Variants in ATP8B1 observed in about 807,000 individuals in gnomAD.
ATP8B1 encodes phospholipid-transporting ATPase IC.
Under a neutral mutation model 149.9 loss-of-function variants are expected in ATP8B1, and 80 were observed. The ratio of observed to expected loss-of-function variants is 0.53; its 90% CI spans 0.45 to 0.64. The LOEUF is 0.64. ATP8B1 is among the 30% of genes least tolerant of loss of function. ATP8B1 has a pLI of 0.00. For missense variants in ATP8B1, 1,247 were observed against 1,552.6 expected (o/e 0.80, Z 3.31); for synonymous variants, 536 against 562.8 (o/e 0.95, Z 0.67).
At position 57,674,823 on chromosome 18, in the gene ATP8B1, G is replaced by A; in HGVS notation, c.1819+11C>T. 5 of 1,613,542 alleles carry A rather than the reference G, an allele frequency of 3.1e-6. No individual in the cohort carries two copies. The highest frequency in any genetic ancestry group is 4.2e-6 in the Non-Finnish European group (5 of 1,179,622). ...TGAGCGATTCATAGACAGACTCTGAGGGGGACTTACCAATGATAGACATTC... is the reference window on the plus strand; with the variant it reads ...TGAGCGATTCATAGACAGACTCTGAAGGGGACTTACCAATGATAGACATTC... On this transcript the variant is annotated intron_variant, in intron 16 of 27. Transcript: ENST00000648908.
chr18:57,652,584 G>A lies in ATP8B1; in HGVS notation c.3161C>T (p.Ala1054Val), dbSNP rs146782236. The A allele has an allele frequency of 6.2e-7, 1 of 1,614,068 alleles. No homozygotes were observed. Among genetic ancestry groups the A allele is most frequent in the Non-Finnish European group, 8.5e-7 (1 of 1,180,030 alleles). ...ATCCTGCCCTACGGTTTGCAGATAA[G>A]CTCCAAGAGGTATGAAGAAGAGGAT... The part of the protein sequence containing the change: ...SMILFFIPLG[A>V]YLQTVGQDGE... Residue 1054 changes from alanine (A) to valine (V), a missense_variant, in exon 25 of 28, where the codon GCT (alanine) becomes GTT (valine). Physicochemically the swap from Ala to Val is moderately conservative, Grantham distance 64. This residue lies in a region of ATP8B1 where 230 missense variants were observed against 356.6 expected (regional missense o/e 0.65). Transcript: ENST00000648908.
intron 2 of ATP8B1, among the ~76,000 whole-genome samples, chr18:57,707,384 C>T (rs1192784536): frequency 6.6e-6 from 1 of 152,172 alleles, no homozygotes; most frequent in Non-Finnish European, 1.5e-5. Context: ...CTGGATGAAG[C>T]TCCCTTGAGT....
chr18:57,699,772 C>T (rs940474099), intron 6 of ATP8B1, among the ~76,000 whole-genome samples: 1 of 152,108 alleles, frequency 6.6e-6, no homozygotes, highest in Non-Finnish European at 1.5e-5. Flanking sequence ...AGGCTGGCCT[C>T]GAACTCCTGG....
chr18:57,667,492 T>A (rs1254034112), intron 19 of ATP8B1: 3 of 308,024 alleles, frequency 9.7e-6, no homozygotes, highest in Non-Finnish European at 1.9e-5. Context: ...ATGATATTTT[T>A]TAGTTCATGA....
chr18:57,752,247 T>TAATAATAATAATA (rs2080030010), intron 1 of ATP8B1, among the ~76,000 whole-genome samples: 1 of 101,712 alleles, frequency 9.8e-6, no homozygotes, highest in African/African-American at 3.3e-5. Context: ...TAATAATAAA[T>TAATAATAATAATA]GATAATCTAA....
rs192051412 is a variant in ATP8B1, at chr18:57,785,276, T to C, written c.-26+17722A>G. Among the ~76,000 whole-genome samples, 233 of 152,354 alleles carry C rather than the reference T, an allele frequency of 1.5e-3. 1 individual carries two copies. The highest frequency in any genetic ancestry group is 5.3e-3 in the African/African-American group (222 of 41,586). ...GGTGTTAGCTGGATTTTCCCCTGTA[T>C]GTAAATATTTCATAGCTCAGAGTTA... On this transcript the variant is annotated intron_variant, in intron 1 of 27. Coordinates refer to ENST00000648908, the MANE Select transcript of ATP8B1 (RefSeq NM_001374385.1).
At chr18:57,655,086 G>A (rs1909899849) in intron 23 of ATP8B1, 108 bp downstream of exon 23, 16 of 1,026,670 alleles carry the variant, frequency 1.6e-5, no homozygotes, top group Non-Finnish European at 2.2e-5. Flanking sequence ...AGGAGACACA[G>A]CCCCAAAACT....
intron 22 of ATP8B1, among the ~76,000 whole-genome samples, chr18:57,657,412 G>T (rs938217488): frequency 2.0e-5 from 3 of 152,098 alleles, no homozygotes; most frequent in Non-Finnish European, 4.4e-5. Flanking sequence ...ATTTAGAAAA[G>T]ATATGTTGGA....
Position 57,684,029 on chromosome 18 carries a change from C to A in ATP8B1, c.1630+7G>T. On this transcript the variant is annotated splice_region_variant and intron_variant, in intron 15 of 27. Transcript: ENST00000648908. ...TCTAATGCCTGAGATGCCAGAGAAA[C>A]ACTCACCATCAGTCCTATCCACCAT... 1.9e-6 allele frequency: 3 copies of A among 1,614,126 alleles called. No individual in the cohort carries two copies. Among genetic ancestry groups the A allele is most frequent in the Non-Finnish European group, 2.5e-6 (3 of 1,180,016 alleles).
At chr18:57,700,613 G>T (rs923469909) in intron 6 of ATP8B1, among the ~76,000 whole-genome samples, 1 of 151,894 alleles carries the variant, frequency 6.6e-6, no homozygotes, top group Admixed American at 6.6e-5. Context: ...TACAACAGGG[G>T]TACATACTCA....
chr18:57,695,353 T>G, intron 9 of ATP8B1, 24 bp from the exon 10 acceptor site: 2 of 1,590,998 alleles, frequency 1.3e-6, no homozygotes, highest in South Asian at 1.1e-5. Flanking sequence ...AAGATTCACA[T>G]AATTAATCAC....
chr18:57,649,723 C>T (rs1256716455), intron 27 of ATP8B1, among the ~76,000 whole-genome samples: 2 of 152,064 alleles, frequency 1.3e-5, no homozygotes, highest in African/African-American at 2.4e-5. Flanking sequence ...TGTACTGGGG[C>T]CCTTGGGTGA....
intron 15 of ATP8B1, among the ~76,000 whole-genome samples, chr18:57,682,237 C>T (rs922787097): frequency 4.6e-5 from 7 of 152,148 alleles, no homozygotes; most frequent in African/African-American, 1.7e-4. Flanking sequence ...AACTCCTGAC[C>T]TCATGATCTG....
intron 1 of ATP8B1, among the ~76,000 whole-genome samples, chr18:57,772,312 G>A (rs1482572641): frequency 2.0e-5 from 3 of 152,188 alleles, no homozygotes; most frequent in Non-Finnish European, 4.4e-5. Context: ...AGAGACAGGA[G>A]GGATGCTGAG....
rs576850858 is a variant in ATP8B1, at chr18:57,771,629, A to G, written c.-26+31369T>C. ...GCATATTTTGATTCATTCAGGCCAC[A>G]TACAGCAGCAGGAGTTTCTGGGTGG... On this transcript the variant is annotated intron_variant, in intron 1 of 27. Coordinates refer to ENST00000648908, the MANE Select transcript of ATP8B1 (RefSeq NM_001374385.1). Among the ~76,000 whole-genome samples the G allele has an allele frequency of 2.0e-5, 3 of 152,284 alleles. No individual in the cohort carries two copies. The South Asian group carries it at 6.2e-4, about 32-fold the overall frequency.
chr18:57,767,168 G>T (rs368892610), intron 1 of ATP8B1, among the ~76,000 whole-genome samples: 1 of 152,192 alleles, frequency 6.6e-6, no homozygotes, highest in African/African-American at 2.4e-5. Context: ...CAGCATTCAA[G>T]AATTGAAGCT....
In ATP8B1 at chr18:57,674,828, A is replaced by G. The variant is rs1215260703; in HGVS notation, c.1819+6T>C. 5.0e-6 allele frequency: 8 copies of G among 1,613,668 alleles called. No individual in the cohort carries two copies. In the African/African-American group the frequency reaches 6.7e-5, roughly 13 times the overall value. On this transcript the variant is annotated splice_donor_region_variant and intron_variant, in intron 16 of 27. Coordinates refer to ENST00000648908, the MANE Select transcript of ATP8B1 (RefSeq NM_001374385.1). ...GATTCATAGACAGACTCTGAGGGGG[A>G]CTTACCAATGATAGACATTCGCTTC...
At chr18:57,771,801 C>G (rs1306490593) in intron 1 of ATP8B1, among the ~76,000 whole-genome samples, 1 of 152,024 alleles carries the variant, frequency 6.6e-6, no homozygotes, top group Non-Finnish European at 1.5e-5. Flanking sequence ...GCAGTGCTGT[C>G]AGAACAACCA....
chr18:57,710,156 A>G (rs1477487399), intron 2 of ATP8B1, among the ~76,000 whole-genome samples: 1 of 152,078 alleles, frequency 6.6e-6, no homozygotes, highest in Non-Finnish European at 1.5e-5. Flanking sequence ...ATTTTCTAGA[A>G]TGGATATATT....
Sources: allele counts gnomAD v4.1 joint callset (sites outside exome capture counted in the v4.1 genomes callset), GRCh38; gene constraint gnomAD v4.1.1; regional missense constraint gnomAD v4.1.1; transcripts MANE v1.5; gene names NCBI Gene and HGNC (gene_info 2026-07-23, HGNC 2026-07-21).